UST: variants seen among roughly 807,000 people sequenced by gnomAD.
The protein encoded by UST is chondroitin sulfate 2-O-sulfotransferase.
Under a neutral mutation model 45.6 loss-of-function variants are expected in UST, and 21 were observed. The observed-to-expected ratio is 0.46, with a 90% CI of 0.33 to 0.66. The LOEUF (loss-of-function observed/expected upper bound fraction) is 0.66, where lower values mean the gene tolerates loss of function less well. Ranked by LOEUF, UST falls within the 30% of genes least tolerant of loss-of-function variation. The probability of loss-of-function intolerance (pLI) is 0.02; values close to 1 mark genes in which losing one functional copy is unlikely to be tolerated. For synonymous variants in UST, 215 were observed against 200.6 expected (o/e 1.07, Z -0.61); for missense variants, 463 against 512.4 (o/e 0.90, Z 0.93).
chr6:148,913,873 A>G (rs1406269014), intron 2 of UST, among the ~76,000 whole-genome samples: 1 of 152,226 alleles, frequency 6.6e-6, no homozygotes, highest in Non-Finnish European at 1.5e-5. Context: ...ACAAAGCCCT[A>G]TATACATTAA....
At chr6:148,966,991 G>C (rs893880738) in intron 5 of UST, among the ~76,000 whole-genome samples, 1 of 152,186 alleles carries the variant, frequency 6.6e-6, no homozygotes, top group Non-Finnish European at 1.5e-5. Flanking sequence ...ACCCACCTCA[G>C]CCTCCCAAAG....
chr6:149,003,520 TC>T lies in UST; in HGVS notation c.682-15618del, dbSNP rs568002327. 6.6e-4 allele frequency among the ~76,000 whole-genome samples: 101 copies of T among 152,158 alleles called. 2 individuals carry two copies. The highest frequency in any genetic ancestry group is 2.2e-3 in the African/African-American group (93 of 41,542). ...GGGGCTAACCTCTGCTGAAAGACAT[TC>T]TTTGTGCTAAGGTTTCTGACATCAT... On this transcript the variant is annotated intron_variant, in intron 5 of 7. Coordinates refer to ENST00000367463, the MANE Select transcript of UST (RefSeq NM_005715.3).
chr6:148,960,055 G>A (rs1172723517), intron 4 of UST, among the ~76,000 whole-genome samples: 10 of 152,008 alleles, frequency 6.6e-5, no homozygotes, highest in East Asian at 5.8e-4. Flanking sequence ...TTGGGAGGCC[G>A]AGGCAGGCGG....
intron 7 of UST, among the ~76,000 whole-genome samples, chr6:149,059,827 G>GAAGCCC (rs1003631271): frequency 8.5e-5 from 13 of 152,104 alleles, no homozygotes; most frequent in Non-Finnish European, 1.3e-4. Flanking sequence ...CAATAACCTA[G>GAAGCCC]AAGCCCGTCC....
At chr6:148,784,252 G>A (rs1238952149) in intron 1 of UST, among the ~76,000 whole-genome samples, 2 of 152,126 alleles carry the variant, frequency 1.3e-5, no homozygotes, top group Non-Finnish European at 2.9e-5. Flanking sequence ...CCCCACTTAA[G>A]TTTCTGAGCC....
intron 1 of UST, among the ~76,000 whole-genome samples, chr6:148,750,513 C>T (rs1431514046): frequency 2.0e-5 from 3 of 152,142 alleles, no homozygotes; most frequent in African/African-American, 7.2e-5. Context: ...ATGAAGGACA[C>T]ATAGCAAGCG....
intron 7 of UST, among the ~76,000 whole-genome samples, chr6:149,040,721 C>T (rs746312109): frequency 6.6e-6 from 1 of 152,246 alleles, no homozygotes; most frequent in African/African-American, 2.4e-5. Flanking sequence ...GAAAGACCTG[C>T]GATTCAGTGC....
At chr6:148,968,120 T>C (rs551584729) in intron 5 of UST, among the ~76,000 whole-genome samples, 95 of 152,334 alleles carry the variant, frequency 6.2e-4, no homozygotes, top group African/African-American at 2.2e-3. Context: ...TCAGACCTTA[T>C]GTTCCTGAAG....
chr6:149,017,939 C>CACATG (rs1156573684), intron 5 of UST, among the ~76,000 whole-genome samples: 1 of 152,042 alleles, frequency 6.6e-6, no homozygotes, highest in Non-Finnish European at 1.5e-5. Context: ...TCACCCTCAC[C>CACATG]ACATGGCTGG....
chr6:149,001,071 T>G (rs1781540632), intron 5 of UST, among the ~76,000 whole-genome samples: 1 of 130,246 alleles, frequency 7.7e-6, no homozygotes, highest in African/African-American at 2.7e-5. Flanking sequence ...TGGAGATGAT[T>G]CTTTTTTTTT....
At chr6:148,750,895 C>CT (rs1775977556) in intron 1 of UST, among the ~76,000 whole-genome samples, 1 of 152,190 alleles carries the variant, frequency 6.6e-6, no homozygotes, top group Admixed American at 6.5e-5. Flanking sequence ...TTTTCTCTTT[C>CT]TTTAGCAGTT....
intron 2 of UST, among the ~76,000 whole-genome samples, chr6:148,929,982 T>C (rs1779891122): frequency 6.6e-6 from 1 of 152,180 alleles, no homozygotes; most frequent in African/African-American, 2.4e-5. Flanking sequence ...GGCTAGAAAG[T>C]TTCTTATTAA....
At chr6:149,056,564 T>C (rs1776569299) in intron 7 of UST, among the ~76,000 whole-genome samples, 1 of 152,236 alleles carries the variant, frequency 6.6e-6, no homozygotes, top group African/African-American at 2.4e-5. Context: ...CATCTCATTT[T>C]TTCTTAGAGT....
intron 1 of UST, among the ~76,000 whole-genome samples, chr6:148,813,727 T>C (rs562088010): frequency 2.3e-4 from 35 of 152,304 alleles, no homozygotes; most frequent in African/African-American, 8.4e-4. Flanking sequence ...CGAAATAGAA[T>C]GTGTCCTTCA....
intron 7 of UST, among the ~76,000 whole-genome samples, chr6:149,028,947 CTG>C (rs995547753): frequency 2.8e-4 from 43 of 152,238 alleles, no homozygotes; most frequent in African/African-American, 9.2e-4. Flanking sequence ...TCTTGAAAAA[CTG>C]TTTTCCATGT....
chr6:148,825,083 A>G (rs1777545782), intron 1 of UST, among the ~76,000 whole-genome samples: 1 of 152,108 alleles, frequency 6.6e-6, no homozygotes, highest in Admixed American at 6.6e-5. Flanking sequence ...AATCTGGTCA[A>G]TAGAGTTTCC....
At chr6:148,897,720 G>A (rs1779164399) in intron 2 of UST, among the ~76,000 whole-genome samples, 1 of 151,516 alleles carries the variant, frequency 6.6e-6, no homozygotes, top group African/African-American at 2.4e-5. Flanking sequence ...TGAACCCCTG[G>A]CTTCAAGTGA....
intron 1 of UST, among the ~76,000 whole-genome samples, chr6:148,814,530 A>G (rs538223224): frequency 1.3e-5 from 2 of 152,130 alleles, no homozygotes; most frequent in South Asian, 4.2e-4. Flanking sequence ...ATTCTTGCAG[A>G]TTTATGACAC....
intron 2 of UST, among the ~76,000 whole-genome samples, chr6:148,925,416 A>C (rs1779792515): frequency 6.6e-6 from 1 of 151,240 alleles, no homozygotes; most frequent in Non-Finnish European, 1.5e-5. Flanking sequence ...CTTGCAACTC[A>C]CAATGACTTT....
Sources: gnomAD v4.1 joint callset for allele counts (sites outside exome capture counted in the v4.1 genomes callset) on GRCh38, gnomAD v4.1.1 for gene constraint, MANE v1.5 for transcripts, NCBI Gene and HGNC (gene_info 2026-07-23, HGNC 2026-07-21) for gene names.